The following STK39 variants were observed in gnomAD, a reference collection of about 807,000 sequenced individuals.
The protein encoded by STK39 is STE20/SPS1-related proline-alanine-rich protein kinase.
Under a neutral mutation model 77.8 loss-of-function variants are expected in STK39, and 20 were observed. The observed-to-expected ratio is 0.26, with a 90% CI of 0.18 to 0.37. STK39 has a LOEUF of 0.37. Among genes scored for constraint, STK39 ranks in the 10% least tolerant of loss-of-function variants. STK39 has a pLI of 1.00. For synonymous variants in STK39, 246 were observed against 234.1 expected (o/e 1.05, Z -0.47); for missense variants, 479 against 656.5 (o/e 0.73, Z 2.95).
intron 12 of STK39, among the ~76,000 whole-genome samples, chr2:168,067,998 A>T (rs996688137): frequency 6.6e-6 from 1 of 152,222 alleles, no homozygotes; most frequent in Non-Finnish European, 1.5e-5. Flanking sequence ...GGCACAGCTT[A>T]CACGGTAGCA....
chr2:167,975,518 C>T (rs1683249669), intron 16 of STK39, among the ~76,000 whole-genome samples: 1 of 152,122 alleles, frequency 6.6e-6, no homozygotes. Context: ...CCAAGTAGTG[C>T]AAAAGGTGGA....
intron 16 of STK39, among the ~76,000 whole-genome samples, chr2:167,983,373 G>A (rs1434358250): frequency 6.7e-6 from 1 of 149,946 alleles, no homozygotes; most frequent in African/African-American, 2.5e-5. Flanking sequence ...CAGCTACTTG[G>A]GAGGCTGAGG....
At chr2:168,150,331 A>T (rs1400641) in intron 5 of STK39, among the ~76,000 whole-genome samples, 3 of 152,148 alleles carry the variant, frequency 2.0e-5, no homozygotes, top group African/African-American at 7.2e-5. Context: ...TTCTAAAAAC[A>T]TAAATCATAT....
intron 1 of STK39, among the ~76,000 whole-genome samples, chr2:168,219,956 T>A (rs771486125): frequency 6.6e-6 from 1 of 151,650 alleles, no homozygotes; most frequent in Non-Finnish European, 1.5e-5. Context: ...TACTATAGAA[T>A]GCACCTTGAA....
intron 10 of STK39, among the ~76,000 whole-genome samples, chr2:168,105,704 TA>T (rs890173681): frequency 1.3e-5 from 2 of 152,238 alleles, no homozygotes; most frequent in Non-Finnish European, 2.9e-5. Flanking sequence ...CATGCACATT[TA>T]ATTGAGATTT....
rs151124437 is a variant in STK39 at position 168,141,547 on chromosome 2, C to T, written c.629-789G>A. Among the ~76,000 whole-genome samples the T allele has an allele frequency of 5.1e-4, 78 of 152,306 alleles. 1 individual carries two copies. The highest frequency in any genetic ancestry group is 1.8e-3 in the African/African-American group (74 of 41,576). ...GAAGGGAATGCCTGGCAATTATTAA[C>T]GTACTATTCTTGCTTTCATTTTTAC... On this transcript the variant is annotated intron_variant, in intron 5 of 17. Coordinates refer to ENST00000355999, the MANE Select transcript of STK39 (RefSeq NM_013233.3).
At chr2:168,167,125 A>G (rs1688712205) in intron 3 of STK39, among the ~76,000 whole-genome samples, 174 bp downstream of exon 3, 1 of 152,190 alleles carries the variant, frequency 6.6e-6, no homozygotes, top group African/African-American at 2.4e-5. Context: ...AATTATGAAA[A>G]GCTTTGAAGG....
intron 14 of STK39, among the ~76,000 whole-genome samples, chr2:168,045,364 AC>A (rs752784745): frequency 7.8e-6 from 1 of 129,010 alleles, no homozygotes; most frequent in African/African-American, 3.0e-5. Context: ...CCACCCCCAC[AC>A]CCCCTGCAGC....
At chr2:168,133,276 G>A (rs575853662) in intron 8 of STK39, among the ~76,000 whole-genome samples, 101 of 152,230 alleles carry the variant, frequency 6.6e-4, no homozygotes, top group Non-Finnish European at 1.3e-3. Context: ...AAAGCATGCT[G>A]CAAAGAAAAC....
chr2:168,169,595 C>T (rs1416405410), intron 2 of STK39, among the ~76,000 whole-genome samples: 2 of 151,494 alleles, frequency 1.3e-5, no homozygotes, highest in East Asian at 3.9e-4. Context: ...TATCACTTCC[C>T]ACCCAAAGTA....
chr2:168,014,209 G>A (rs1331210073), intron 15 of STK39, among the ~76,000 whole-genome samples: 1 of 152,176 alleles, frequency 6.6e-6, no homozygotes, highest in Non-Finnish European at 1.5e-5. Context: ...CCTTGGCCCA[G>A]TGCAATGGCT....
chr2:168,113,561 C>A (rs978557795), intron 10 of STK39, among the ~76,000 whole-genome samples: 3 of 152,198 alleles, frequency 2.0e-5, no homozygotes, highest in Admixed American at 6.5e-5. Flanking sequence ...GAAATATAGG[C>A]ATTTTTGTTA....
chr2:168,017,118 C>T lies in STK39; in HGVS notation c.1377-23G>A, dbSNP rs1478822106. 1.9e-6 allele frequency: 3 copies of T among 1,547,752 alleles called. No individual in the cohort carries two copies. The East Asian group carries it at 6.9e-5, about 36-fold the overall frequency. On this transcript the variant is annotated intron_variant, in intron 14 of 17. Coordinates refer to ENST00000355999, the MANE Select transcript of STK39 (RefSeq NM_013233.3). ...TTTCTGAAATACATAACATATAATACATTAAAGTCTAGGGAAGCAGAGTTT... is the reference window on the plus strand; with the variant it reads ...TTTCTGAAATACATAACATATAATATATTAAAGTCTAGGGAAGCAGAGTTT...
At chr2:167,960,699 G>C (rs1691930281) in intron 17 of STK39, among the ~76,000 whole-genome samples, 1 of 152,048 alleles carries the variant, frequency 6.6e-6, no homozygotes, top group Admixed American at 6.5e-5. Context: ...TGGTTACCTG[G>C]CGTCACTGAA....
chr2:168,122,741 AG>A (rs1687440891), intron 10 of STK39, among the ~76,000 whole-genome samples: 1 of 152,132 alleles, frequency 6.6e-6, no homozygotes, highest in Admixed American at 6.6e-5. Flanking sequence ...TCAGCCAACA[AG>A]GTGTTTTTAT....
At chr2:168,024,874 GTC>G (rs1684657813) in intron 14 of STK39, among the ~76,000 whole-genome samples, 1 of 152,172 alleles carries the variant, frequency 6.6e-6, no homozygotes, top group Admixed American at 6.5e-5. Context: ...CAAAATCACA[GTC>G]TGAACAACAG....
At chr2:168,179,454 T>TCC (rs77096701) in intron 2 of STK39, among the ~76,000 whole-genome samples, 1 of 151,052 alleles carries the variant, frequency 6.6e-6, no homozygotes, top group Non-Finnish European at 1.5e-5. Flanking sequence ...CATAGCCATT[T>TCC]CCCCCCTCTC....
chr2:168,052,647 A>G (rs1218163677), intron 14 of STK39, among the ~76,000 whole-genome samples: 1 of 152,192 alleles, frequency 6.6e-6, no homozygotes, highest in African/African-American at 2.4e-5. Flanking sequence ...GATCTGTAAC[A>G]TGCTAGCCAT....
chr2:168,074,558 C>T (rs2105403480), intron 12 of STK39, among the ~76,000 whole-genome samples: 1 of 152,276 alleles, frequency 6.6e-6, no homozygotes, highest in Non-Finnish European at 1.5e-5. Flanking sequence ...GAGTTTCTAA[C>T]CATTTTAATA....
Sources: allele counts gnomAD v4.1 joint callset (sites outside exome capture counted in the v4.1 genomes callset), GRCh38; gene constraint gnomAD v4.1.1; transcripts MANE v1.5; gene names NCBI Gene and HGNC (gene_info 2026-07-23, HGNC 2026-07-21).